The following WIPF3 variants were observed in gnomAD, a reference collection of about 807,000 sequenced individuals.
The protein encoded by WIPF3 is WAS/WASL-interacting protein family member 3.
Under a neutral mutation model 38.9 loss-of-function variants are expected in WIPF3, and 33 were observed. The ratio of observed to expected loss-of-function variants is 0.85; its 90% CI spans 0.64 to 1.14. The LOEUF (loss-of-function observed/expected upper bound fraction) is 1.14, where lower values mean the gene tolerates loss of function less well. WIPF3 is among the 50% of genes most tolerant of loss of function. The probability of loss-of-function intolerance (pLI) is 0.00; values close to 1 mark genes in which losing one functional copy is unlikely to be tolerated. For missense variants in WIPF3, 711 were observed against 652.5 expected (o/e 1.09, Z -0.98); for synonymous variants, 324 against 269.3 (o/e 1.20, Z -1.99).
chr7:29,849,119 C>G (rs189705245), intron 2 of WIPF3, among the ~76,000 whole-genome samples: 7 of 152,070 alleles, frequency 4.6e-5, no homozygotes, highest in Non-Finnish European at 8.8e-5. Context: ...CCCCTTATCT[C>G]GACCCCAGCC....
Position 29,884,361 on chromosome 7 carries a change from T to TGCCCCCCCC in WIPF3, c.867_868insGCCCCCCCC (p.Pro289_Pro290insAlaProPro). ...GCCCTGCGCAAGATGCGCAGGAGCC[T>TGCCCCCCCC]CCCGCCCCGCCGCCCCCGCTCCCCC... On this transcript the variant is annotated inframe_insertion, in exon 5 of 9. Transcript: ENST00000242140. 1 of 1,317,886 alleles carries TGCCCCCCCC rather than the reference T, an allele frequency of 7.6e-7. No individual in the cohort carries two copies. Among genetic ancestry groups the TGCCCCCCCC allele is most frequent in the Non-Finnish European group, 9.8e-7 (1 of 1,017,920 alleles). The allele number at this position is 1,317,886 out of a possible 1,614,324, so 81.6% of individuals were successfully genotyped here.
At chr7:29,825,428 G>C (rs1944579527) in intron 1 of WIPF3, among the ~76,000 whole-genome samples, 1 of 152,198 alleles carries the variant, frequency 6.6e-6, no homozygotes, top group African/African-American at 2.4e-5. Flanking sequence ...CCCTATTTTA[G>C]AAGTATAACT....
At chr7:29,812,587 A>T (rs2128061212) in intron 1 of WIPF3, among the ~76,000 whole-genome samples, 1 of 152,312 alleles carries the variant, frequency 6.6e-6, no homozygotes, top group South Asian at 2.1e-4. Flanking sequence ...TCAGGAAGTG[A>T]TGCACTCCCT....
intron 3 of WIPF3, among the ~76,000 whole-genome samples, chr7:29,877,670 A>T (rs936775400): frequency 6.6e-6 from 1 of 152,144 alleles, no homozygotes; most frequent in Non-Finnish European, 1.5e-5. Context: ...AGACGGTGAC[A>T]CCTTTGCTTT....
chr7:29,894,586 G>A (rs915599106), intron 7 of WIPF3, among the ~76,000 whole-genome samples: 2 of 152,280 alleles, frequency 1.3e-5, no homozygotes, highest in East Asian at 3.9e-4. Context: ...GTGTATGCCT[G>A]TCTGATTACA....
chr7:29,850,935 C>A (rs1785084399), intron 2 of WIPF3, among the ~76,000 whole-genome samples: 1 of 152,182 alleles, frequency 6.6e-6, no homozygotes, highest in Non-Finnish European at 1.5e-5. Context: ...AATAATAATA[C>A]CTTTATGGGG....
At chr7:29,833,092 A>G (rs1784747046) in intron 1 of WIPF3, among the ~76,000 whole-genome samples, 1 of 152,254 alleles carries the variant, frequency 6.6e-6, no homozygotes, top group Non-Finnish European at 1.5e-5. Context: ...ATGGTTCCAC[A>G]TATATGAGGT....
At chr7:29,854,165 A>C (rs552353826) in intron 2 of WIPF3, among the ~76,000 whole-genome samples, 1 of 152,356 alleles carries the variant, frequency 6.6e-6, no homozygotes, top group Admixed American at 6.5e-5. Flanking sequence ...ACATCCTTCC[A>C]TAGGTTCACC....
intron 1 of WIPF3, among the ~76,000 whole-genome samples, chr7:29,833,926 C>T (rs1013988579): frequency 1.3e-5 from 2 of 152,168 alleles, no homozygotes; most frequent in African/African-American, 4.8e-5. Context: ...CATATGCATG[C>T]ACACATACAG....
intron 1 of WIPF3, among the ~76,000 whole-genome samples, chr7:29,822,123 G>GTTTT: frequency 0.019 from 1,161 of 62,738 alleles, 40 homozygotes; most frequent in African/African-American, 0.04. Context: ...TTTTTTCTTA[G>GTTTT]TTTTTTTTTT....
chr7:29,878,966 C>T lies in WIPF3; in HGVS notation c.224-43C>T, dbSNP rs762018295. ...TCTGAAATGAGACCTGGCTGCTCAG[C>T]TCTGCTCTCAAGTCCTTGCCTATTT... On this transcript the variant is annotated intron_variant, in intron 3 of 8. Transcript: ENST00000242140. This position sits in a 1 kb window ranked among gnomAD's most constrained non-coding sequence, Gnocchi z 4.0. 1 of 1,560,800 alleles carries T rather than the reference C, an allele frequency of 6.4e-7. No homozygotes were observed. Among genetic ancestry groups the T allele is most frequent in the South Asian group, 1.2e-5 (1 of 85,508 alleles).
At chr7:29,839,099 G>A (rs984261107) in intron 2 of WIPF3, among the ~76,000 whole-genome samples, 4 of 152,136 alleles carry the variant, frequency 2.6e-5, no homozygotes, top group Admixed American at 2.6e-4. Flanking sequence ...GGAGAGTGGG[G>A]GACTCAGGAT....
intron 2 of WIPF3, among the ~76,000 whole-genome samples, chr7:29,839,921 A>T (rs1191371764): frequency 1.3e-5 from 2 of 152,166 alleles, no homozygotes; most frequent in Non-Finnish European, 2.9e-5. Flanking sequence ...AATTTTAAAA[A>T]TTTTACTCAA....
At chr7:29,829,159 C>CTA (rs1286816227) in intron 1 of WIPF3, among the ~76,000 whole-genome samples, 1 of 150,960 alleles carries the variant, frequency 6.6e-6, no homozygotes, top group African/African-American at 2.4e-5. Flanking sequence ...ATGGATGATG[C>CTA]TATCCCTTAG....
In WIPF3 at chr7:29,886,852, C is replaced by T. The variant is rs368638185; in HGVS notation, c.1100-1216C>T. Reference sequence around the variant, plus strand: ...TGAAATGAGAAATCTGCATAAAGGGCTTGCATGTAACTTCAGCTCCAGCAG... The same window carrying T: ...TGAAATGAGAAATCTGCATAAAGGGTTTGCATGTAACTTCAGCTCCAGCAG... On this transcript the variant is annotated intron_variant, in intron 5 of 8. Transcript: ENST00000242140. 3.1e-3 allele frequency among the ~76,000 whole-genome samples: 475 copies of T among 152,268 alleles called. 3 individuals carry two copies. The highest frequency in any genetic ancestry group is 0.011 in the African/African-American group (461 of 41,528).
chr7:29,897,508 T>C (rs1181473944), intron 7 of WIPF3, among the ~76,000 whole-genome samples: 2 of 152,228 alleles, frequency 1.3e-5, no homozygotes, highest in Non-Finnish European at 2.9e-5. Flanking sequence ...CTTATTTTTG[T>C]TGTATAGTGG....
chr7:29,866,622 C>A (rs1382718664), intron 2 of WIPF3, among the ~76,000 whole-genome samples: 1 of 152,240 alleles, frequency 6.6e-6, no homozygotes, highest in African/African-American at 2.4e-5. Context: ...CTTCTCAGAG[C>A]CTGTCATTCA....
At chr7:29,873,320 A>G (rs1378039753) in intron 2 of WIPF3, among the ~76,000 whole-genome samples, 3 of 152,154 alleles carry the variant, frequency 2.0e-5, no homozygotes, top group Non-Finnish European at 2.9e-5. Flanking sequence ...TGTGAATATT[A>G]TTATAATTCA....
In WIPF3 at chr7:29,900,216, T is replaced by C. The variant is rs547919830; in HGVS notation, c.1352-4070T>C. ...CCTCCCAAAGTGCTGGGATTACAGG[T>C]GTGAGCCACTGCACCCAGCCTGTAC... On this transcript the variant is annotated intron_variant, in intron 7 of 8. Transcript: ENST00000242140. Among the ~76,000 whole-genome samples, 29 of 152,302 alleles carry C rather than the reference T, an allele frequency of 1.9e-4. No homozygotes were observed. The South Asian group carries it at 3.5e-3, about 18-fold the overall frequency.
Sources: allele counts gnomAD v4.1 joint callset (sites outside exome capture counted in the v4.1 genomes callset), GRCh38; gene constraint gnomAD v4.1.1; non-coding constraint Gnocchi (gnomAD v3.1); transcripts MANE v1.5; gene names NCBI Gene and HGNC (gene_info 2026-07-23, HGNC 2026-07-21).